MAP2: variants seen among roughly 807,000 people sequenced by gnomAD.
MAP2 encodes the protein microtubule associated protein 2, also known as microtubule-associated protein 2.
MAP2 carries 14 observed loss-of-function variants against 137.6 expected under a neutral mutation model. That is an observed-to-expected ratio of 0.10 (90% CI 0.07 to 0.16). The LOEUF (loss-of-function observed/expected upper bound fraction) is 0.16. MAP2 is among the 10% of genes least tolerant of loss of function. MAP2 has a pLI of 1.00. For missense variants in MAP2, 2,088 were observed against 2,191.5 expected (o/e 0.95, Z 0.94); for synonymous variants, 786 against 782.3 (o/e 1.00, Z -0.08).
intron 1 of MAP2, among the ~76,000 whole-genome samples, chr2:209,434,312 A>T (rs964876665): frequency 1.3e-5 from 2 of 151,506 alleles, no homozygotes; most frequent in African/African-American, 2.4e-5. Flanking sequence ...AAACAAAATT[A>T]TTATTTTTTT....
chr2:209,450,232 G>A lies in MAP2; in HGVS notation c.-222+25956G>A, dbSNP rs866405427. ...GCTGGGATTATAGGTGTGAGCCACC[G>A]TGCACAGCCAACTTACCTTTTTTTA... is the stretch of plus-strand genomic sequence containing the variant. On this transcript the variant is annotated intron_variant, in intron 1 of 15. Coordinates refer to ENST00000682079, the MANE Select transcript of MAP2 (RefSeq NM_001375505.1). 2.0e-5 allele frequency among the ~76,000 whole-genome samples: 3 copies of A among 152,110 alleles called. No individual in the cohort carries two copies. In the South Asian group the frequency reaches 6.2e-4, roughly 32 times the overall value.
At position 209,732,091 on chromosome 2, in the gene MAP2, T is replaced by C. The variant is rs183583631; in HGVS notation, c.*1694T>C. 2.6e-5 allele frequency: 4 copies of C among 152,360 alleles called. No individual in the cohort carries two copies. The highest frequency in any genetic ancestry group is 2.6e-4 in the Admixed American group (4 of 15,302). The allele number at this position is 152,360 out of a possible 1,614,324, so 9.4% of individuals were successfully genotyped here. On this transcript the variant is annotated 3_prime_UTR_variant, in exon 16 of 16. Transcript: ENST00000682079. ...TAAAAATTTTATCTGTTCTTTTTCT[T>C]GCTCAGGGCTGGTAGGTTGGATCTG...
rs545849982 is a variant in MAP2, at chr2:209,706,572, G to A, written c.4732+845G>A. ...AGAGAGGGTAACTGCTTCACAGTTC[G>A]CAAGTGGTTGAATTTGGTTTTCAGC... is the stretch of plus-strand genomic sequence containing the variant. On this transcript the variant is annotated intron_variant, in intron 12 of 15. Coordinates refer to ENST00000682079, the MANE Select transcript of MAP2 (RefSeq NM_001375505.1). 6.2e-4 allele frequency among the ~76,000 whole-genome samples: 94 copies of A among 151,910 alleles called. 1 individual carries two copies. In the South Asian group the frequency reaches 0.018, roughly 30 times the overall value.
At chr2:209,463,337 C>G (rs1429064194) in intron 1 of MAP2, among the ~76,000 whole-genome samples, 1 of 152,092 alleles carries the variant, frequency 6.6e-6, no homozygotes, top group African/African-American at 2.4e-5. Context: ...CAACTTCTTA[C>G]CATTTCTTAA....
At chr2:209,574,747 G>T (rs944960704) in intron 2 of MAP2, among the ~76,000 whole-genome samples, 2 of 152,126 alleles carry the variant, frequency 1.3e-5, no homozygotes, top group African/African-American at 4.8e-5. Context: ...ATATATTTTT[G>T]TGTGGACCAA....
At chr2:209,482,639 A>G (rs1314078086) in intron 1 of MAP2, among the ~76,000 whole-genome samples, 1 of 152,206 alleles carries the variant, frequency 6.6e-6, no homozygotes, top group African/African-American at 2.4e-5. Flanking sequence ...TTATCTGATT[A>G]TCTCAAAGAA....
intron 13 of MAP2, among the ~76,000 whole-genome samples, chr2:209,721,512 A>G (rs1041817136): frequency 6.6e-6 from 1 of 152,178 alleles, no homozygotes; most frequent in Non-Finnish European, 1.5e-5. Context: ...TCTGGGTAAA[A>G]TCAACAGAAG....
chr2:209,483,163 C>T (rs2057944041), intron 1 of MAP2, among the ~76,000 whole-genome samples: 1 of 152,004 alleles, frequency 6.6e-6, no homozygotes, highest in Non-Finnish European at 1.5e-5. Context: ...GAATTTTGTG[C>T]AGCCACCACA....
At chr2:209,549,104 C>A (rs888134314) in intron 2 of MAP2, among the ~76,000 whole-genome samples, 5 of 152,150 alleles carry the variant, frequency 3.3e-5, no homozygotes, top group African/African-American at 1.2e-4. Context: ...CATCTATATT[C>A]CAGGCAAGAA....
At chr2:209,613,042 T>C (rs193242875) in intron 3 of MAP2, among the ~76,000 whole-genome samples, 2 of 152,270 alleles carry the variant, frequency 1.3e-5, no homozygotes, top group Non-Finnish European at 2.9e-5. Flanking sequence ...TAAAATTACC[T>C]TCTATTAGAT....
chr2:209,541,124 G>A (rs1199390368), intron 2 of MAP2, among the ~76,000 whole-genome samples: 2 of 150,978 alleles, frequency 1.3e-5, no homozygotes, highest in South Asian at 4.1e-4. Context: ...TCCGCCTCCC[G>A]GGTTCAAGCA....
chr2:209,544,631 T>G (rs938880684), intron 2 of MAP2, among the ~76,000 whole-genome samples: 1 of 152,188 alleles, frequency 6.6e-6, no homozygotes, highest in African/African-American at 2.4e-5. Context: ...GGGCACTCAG[T>G]AAACACTAAT....
intron 2 of MAP2, among the ~76,000 whole-genome samples, chr2:209,548,564 C>A (rs1243423077): frequency 6.6e-6 from 1 of 152,144 alleles, no homozygotes; most frequent in Non-Finnish European, 1.5e-5. Context: ...GAAATGCAAT[C>A]AATTGTTCAA....
chr2:209,640,880 C>CTTTTTTTTTTTTTTTTTTTTTTTT (rs71043944), intron 4 of MAP2, among the ~76,000 whole-genome samples: 1 of 137,388 alleles, frequency 7.3e-6, no homozygotes, highest in Non-Finnish European at 1.5e-5. Flanking sequence ...ATTATCTATT[C>CTTTTTTTTTTTTTTTTTTTTTTTT]TTTTTTTTTT....
At chr2:209,640,093 C>A (rs987618850) in intron 4 of MAP2, among the ~76,000 whole-genome samples, 3 of 152,094 alleles carry the variant, frequency 2.0e-5, no homozygotes, top group Non-Finnish European at 2.9e-5. Flanking sequence ...AGCTTCTTGT[C>A]CTTTCTTTGA....
intron 2 of MAP2, among the ~76,000 whole-genome samples, chr2:209,530,748 G>T (rs1019278705): frequency 6.6e-6 from 1 of 152,032 alleles, no homozygotes; most frequent in South Asian, 2.1e-4. Flanking sequence ...AGTAATAGAG[G>T]TATTCACCTT....
At chr2:209,644,161 A>C (rs2094236368) in intron 4 of MAP2, among the ~76,000 whole-genome samples, 1 of 152,238 alleles carries the variant, frequency 6.6e-6, no homozygotes, top group Non-Finnish European at 1.5e-5. Flanking sequence ...GACACACTGG[A>C]ATGGATGATC....
At chr2:209,596,684 C>T (rs2081383556) in intron 3 of MAP2, among the ~76,000 whole-genome samples, 1 of 152,202 alleles carries the variant, frequency 6.6e-6, no homozygotes, top group African/African-American at 2.4e-5. Flanking sequence ...TGGTGAAGCT[C>T]TGTTTAACCT....
chr2:209,520,545 C>A (rs2063132228), intron 2 of MAP2, among the ~76,000 whole-genome samples: 1 of 152,012 alleles, frequency 6.6e-6, no homozygotes, highest in African/African-American at 2.4e-5. Flanking sequence ...AGGGCTTAAT[C>A]TTTCCAGCAG....
Sources: allele counts gnomAD v4.1 joint callset (sites outside exome capture counted in the v4.1 genomes callset), GRCh38; gene constraint gnomAD v4.1.1; transcripts MANE v1.5; gene names NCBI Gene and HGNC (gene_info 2026-07-23, HGNC 2026-07-21).